The following REXO5 variants were observed in gnomAD, a reference collection of about 807,000 sequenced individuals.
REXO5 encodes the protein RNA exonuclease 5, also known as exonuclease NEF-sp.
REXO5 carries 48 observed loss-of-function variants against 88.5 expected under a neutral mutation model. The ratio of observed to expected loss-of-function variants is 0.54; its 90% CI spans 0.43 to 0.69. The LOEUF is 0.69. Among genes scored for constraint, REXO5 ranks in the 30% least tolerant of loss-of-function variants. The probability of loss-of-function intolerance (pLI) is 0.00; values close to 1 mark genes in which losing one functional copy is unlikely to be tolerated. For missense variants in REXO5, 749 were observed against 912.2 expected, an observed-to-expected ratio of 0.82 and a Z score of 2.30; for synonymous variants, 311 against 336.5, an observed-to-expected ratio of 0.92 and a Z score of 0.83.
intron 3 of REXO5, 39 bp downstream of exon 3, chr16:20,813,341 T>TTTA: frequency 9.9e-6 from 10 of 1,009,810 alleles, no homozygotes; most frequent in African/African-American, 4.3e-5. Flanking sequence ...TGACCAGCGG[T>TTTA]TTCTTTTTTT....
chr16:20,844,946 G>T, intron 17 of REXO5, 101 bp downstream of exon 17: 1 of 1,523,716 alleles, frequency 6.6e-7, no homozygotes, highest in Non-Finnish European at 9.0e-7. Context: ...CTGGACCAGG[G>T]CAGCAGTTCC....
chr16:20,841,512 G>A (rs2081527520), intron 15 of REXO5, among the ~76,000 whole-genome samples: 1 of 152,148 alleles, frequency 6.6e-6, no homozygotes, highest in East Asian at 1.9e-4. Context: ...TTAAACTGGT[G>A]TATTACAATG....
At chr16:20,806,478 A>T (rs1378853795), upstream of REXO5, 2 of 1,549,320 alleles carry the variant, frequency 1.3e-6, no homozygotes. Context: ...AAGTCGCTCG[A>T]CTTCTACTTC....
chr16:20,806,631 A>T lies in REXO5; in HGVS notation c.-77A>T. The T allele has an allele frequency of 7.7e-7, 1 of 1,300,852 alleles. No individual in the cohort carries two copies. The highest frequency in any genetic ancestry group is 1.6e-5 in the South Asian group (1 of 64,330). The allele number at this position is 1,300,852 out of a possible 1,614,324, so 80.6% of individuals were successfully genotyped here. On this transcript the variant is annotated 5_prime_UTR_variant, in exon 1 of 20. Coordinates refer to ENST00000261377, the MANE Select transcript of REXO5 (RefSeq NM_030941.3). ...GCGTGGGGAGTGGTTTTAGGCGGCGAAGCCGCTCGGCAGCACCTTCCTTCT... is the reference window on the plus strand; with the variant it reads ...GCGTGGGGAGTGGTTTTAGGCGGCGTAGCCGCTCGGCAGCACCTTCCTTCT...
chr16:20,842,434 G>GT (rs2081542341), intron 15 of REXO5, among the ~76,000 whole-genome samples: 1 of 149,522 alleles, frequency 6.7e-6, no homozygotes, highest in Non-Finnish European at 1.5e-5. Context: ...TTATCCATTT[G>GT]TTGATGGACA....
At chr16:20,845,311 C>A in intron 18 of REXO5, 70 bp downstream of exon 18, 3 of 1,083,068 alleles carry the variant, frequency 2.8e-6, no homozygotes, top group Non-Finnish European at 3.8e-6. Context: ...ATCCTTTAAT[C>A]TTTTTTTTTT....
chr16:20,829,209 T>C (rs920952745), intron 11 of REXO5, among the ~76,000 whole-genome samples: 2 of 152,154 alleles, frequency 1.3e-5, no homozygotes, highest in Non-Finnish European at 2.9e-5. Flanking sequence ...TGGGATATTG[T>C]TGAGAGTAAA....
intron 11 of REXO5, among the ~76,000 whole-genome samples, chr16:20,830,163 G>A (rs961061703): frequency 2.6e-5 from 4 of 152,060 alleles, no homozygotes; most frequent in Admixed American, 1.3e-4. Flanking sequence ...TTAACCCAAT[G>A]ACCACTACCA....
chr16:20,807,270 C>T, intron 2 of REXO5, 179 bp downstream of exon 2: 1 of 715,600 alleles, frequency 1.4e-6, no homozygotes, highest in East Asian at 2.8e-5. Flanking sequence ...ACAAGGCTGT[C>T]ATTGGCTGTC....
In REXO5 at chr16:20,806,684, T is replaced by C. The variant is rs1437552651; in HGVS notation, c.-24T>C. ...GCCAGGCAGACGCCCGTTGTAGCCGTTGGGGAACCGTTGAGAATCCGGTAA... is the reference window on the plus strand; with the variant it reads ...GCCAGGCAGACGCCCGTTGTAGCCGCTGGGGAACCGTTGAGAATCCGGTAA... On this transcript the variant is annotated 5_prime_UTR_variant, in exon 1 of 20. Coordinates refer to ENST00000261377, the MANE Select transcript of REXO5 (RefSeq NM_030941.3). 2.8e-5 allele frequency: 30 copies of C among 1,062,198 alleles called. No individual in the cohort carries two copies. Among genetic ancestry groups the C allele is most frequent in the Non-Finnish European group, 3.8e-5 (29 of 761,462 alleles). 65.8% of individuals were successfully genotyped at this position (1,062,198 alleles called of 1,614,324 possible).
At chr16:20,843,519 C>A (rs2081561425) in intron 15 of REXO5, among the ~76,000 whole-genome samples, 1 of 152,148 alleles carries the variant, frequency 6.6e-6, no homozygotes, top group Non-Finnish European at 1.5e-5. Context: ...CAGATAATCA[C>A]AAAGATTTAG....
chr16:20,825,040 C>T (rs914307957), intron 7 of REXO5, among the ~76,000 whole-genome samples: 2 of 152,040 alleles, frequency 1.3e-5, no homozygotes, highest in Non-Finnish European at 2.9e-5. Context: ...CAACTAGTTA[C>T]TATGTTTAAT....
At chr16:20,806,522 C>A (rs1195690115), upstream of REXO5, 9 of 1,535,744 alleles carry the variant, frequency 5.9e-6, no homozygotes, top group South Asian at 8.4e-5. Flanking sequence ...GGCTGAGGGG[C>A]GGTTGTTGTT....
At chr16:20,827,920 TAA>T (rs2081283229) in intron 10 of REXO5, among the ~76,000 whole-genome samples, 1 of 152,202 alleles carries the variant, frequency 6.6e-6, no homozygotes, top group African/African-American at 2.4e-5. Flanking sequence ...AACACCTCTC[TAA>T]GACACTCCTG....
intron 10 of REXO5, 119 bp downstream of exon 10, chr16:20,827,566 G>A: frequency 1.4e-6 from 1 of 717,368 alleles, no homozygotes; most frequent in Non-Finnish European, 2.3e-6. Context: ...CTTTAAACAT[G>A]TTTTTTTGCA....
At chr16:20,831,236 A>G (rs138131605) in intron 11 of REXO5, among the ~76,000 whole-genome samples, 1 of 152,274 alleles carries the variant, frequency 6.6e-6, no homozygotes, top group East Asian at 1.9e-4. Context: ...CTAGCTTAAT[A>G]GAAAACAAGT....
At chr16:20,807,128 G>A (rs937753195) in intron 2 of REXO5, 37 bp downstream of exon 2, 51 of 1,573,306 alleles carry the variant, frequency 3.2e-5, no homozygotes, top group East Asian at 1.8e-4. Context: ...GGCCCTAGGC[G>A]GTTTGGAGCT....
intron 5 of REXO5, among the ~76,000 whole-genome samples, chr16:20,817,664 T>C (rs1263135169): frequency 6.6e-6 from 1 of 152,230 alleles, no homozygotes; most frequent in Admixed American, 6.5e-5. Context: ...GGGCAACTTC[T>C]CCATCCTCCT....
At chr16:20,821,957 A>G (rs1164716962) in intron 6 of REXO5, 55 bp downstream of exon 6, 12 of 1,440,870 alleles carry the variant, frequency 8.3e-6, no homozygotes, top group Non-Finnish European at 1.1e-5. Context: ...CTAACAGCTT[A>G]TTTAAATACT....
Sources: allele counts gnomAD v4.1 joint callset (sites outside exome capture counted in the v4.1 genomes callset), GRCh38; gene constraint gnomAD v4.1.1; transcripts MANE v1.5; gene names NCBI Gene and HGNC (gene_info 2026-07-23, HGNC 2026-07-21).